The following PPM1L variants were observed in gnomAD, a reference collection of about 807,000 sequenced individuals.
PPM1L encodes the protein protein phosphatase 1L.
Under a neutral mutation model 31.4 loss-of-function variants are expected in PPM1L, and 13 were observed. The ratio of observed to expected loss-of-function variants is 0.41; its 90% confidence interval spans 0.27 to 0.66. The LOEUF (loss-of-function observed/expected upper bound fraction) is 0.66. PPM1L is among the 30% of genes least tolerant of loss of function. The pLI is 0.29. For synonymous variants in PPM1L, 184 were observed against 175.4 expected, an observed-to-expected ratio of 1.05 and a Z score of -0.39; for missense variants, 326 against 453.7, an observed-to-expected ratio of 0.72 and a Z score of 2.56.
rs1560114919 is a variant in PPM1L, at chr3:160,814,711, ATG to A, written c.399+58008_399+58009del. Among the ~76,000 whole-genome samples the A allele has an allele frequency of 8.9e-4, 133 of 149,360 alleles. 2 individuals are homozygous for A. Among genetic ancestry groups the A allele is most frequent in the African/African-American group, 3.2e-3 (131 of 40,450 alleles). ...ATACCATACGTATATGTGTATATAT[ATG>A]TGTATGTATACGTGTATATATGTAT... On this transcript the variant is annotated intron_variant, in intron 1 of 3. Coordinates refer to ENST00000498165, the MANE Select transcript of PPM1L (RefSeq NM_139245.4).
At chr3:160,872,755 T>C (rs758152846) in intron 1 of PPM1L, among the ~76,000 whole-genome samples, 57 of 152,104 alleles carry the variant, frequency 3.7e-4, no homozygotes, top group Non-Finnish European at 7.2e-4. Context: ...TGAAACCCTG[T>C]CTCTACTAAA....
At chr3:160,948,044 A>G (rs901157632) in intron 1 of PPM1L, among the ~76,000 whole-genome samples, 2 of 152,128 alleles carry the variant, frequency 1.3e-5, no homozygotes, top group Non-Finnish European at 2.9e-5. Flanking sequence ...ATAAATAACC[A>G]TTTATCTCTA....
At position 160,978,974 on chromosome 3, in the gene PPM1L, ACT is replaced by A. The variant is rs776933863; in HGVS notation, c.574+17069_574+17070del. On this transcript the variant is annotated intron_variant, in intron 2 of 3. Transcript: ENST00000498165. ...TGTTGGACATACTCTATACTGGAAT[ACT>A]CTCTATATTGAACATGTAGAATATC... Among the ~76,000 whole-genome samples the A allele has an allele frequency of 5.0e-4, 76 of 152,132 alleles. No individual in the cohort carries two copies. In the Middle Eastern group the frequency reaches 0.031, roughly 61 times the overall value.
intron 1 of PPM1L, among the ~76,000 whole-genome samples, chr3:160,791,679 A>G (rs1712108501): frequency 6.6e-6 from 1 of 152,170 alleles, no homozygotes; most frequent in African/African-American, 2.4e-5. Context: ...AAACTAGAAA[A>G]TAATCAGATA....
chr3:160,930,761 C>T (rs538818901), intron 1 of PPM1L, among the ~76,000 whole-genome samples: 10 of 152,200 alleles, frequency 6.6e-5, no homozygotes, highest in African/African-American at 2.2e-4. Context: ...TTCTGATGGC[C>T]GTCTTCAGTT....
At chr3:161,043,521 A>C (rs150839886) in intron 2 of PPM1L, among the ~76,000 whole-genome samples, 18 of 152,336 alleles carry the variant, frequency 1.2e-4, no homozygotes, top group African/African-American at 4.1e-4. Context: ...GCAGATGCTC[A>C]AGCCAGCAGC....
At chr3:160,974,242 G>A (rs865992363) in intron 2 of PPM1L, among the ~76,000 whole-genome samples, 3,566 of 151,408 alleles carry the variant, frequency 0.024, 116 homozygotes, top group African/African-American at 0.078. Context: ...TGGTGTATAT[G>A]TGCCACATTT....
Position 161,070,270 on chromosome 3 carries a change from C to T in PPM1L, c.*1113C>T, listed in dbSNP as rs1719866941. 6.6e-6 allele frequency: 1 copy of T among 152,252 alleles called. No homozygotes were observed. The highest frequency in any genetic ancestry group is 1.5e-5 in the Non-Finnish European group (1 of 68,076). 9.4% of individuals were successfully genotyped at this position (152,252 alleles called of 1,614,324 possible). ...AAGCCAGGTGCAGAGTTCCCAGCTA[C>T]TGCAGCTTGGGATTTGGTGGGAAAC... On this transcript the variant is annotated 3_prime_UTR_variant, in exon 4 of 4. Transcript: ENST00000498165.
intron 2 of PPM1L, among the ~76,000 whole-genome samples, chr3:161,055,321 T>C (rs1719382058): frequency 6.6e-6 from 1 of 152,058 alleles, no homozygotes; most frequent in Non-Finnish European, 1.5e-5. Flanking sequence ...GGGAGTCTTA[T>C]CTGAGAGCTG....
intron 2 of PPM1L, among the ~76,000 whole-genome samples, chr3:161,044,346 GTATTTATTTATT>G (rs66461506): frequency 0.085 from 12,195 of 143,282 alleles, 586 homozygotes; most frequent in African/African-American, 0.14. Context: ...GGCCTGCCCT[GTATTTATTTATT>G]TATTTATTTA....
rs138242028 is a variant in PPM1L at position 160,860,088 on chromosome 3, G to A, written c.400-101648G>A. On this transcript the variant is annotated intron_variant, in intron 1 of 3. Transcript: ENST00000498165. ...CTAACTAATTTAGTGAGTGTCATTG[G>A]TGATTTGTAGAAGAAGCAACAGACT... Among the ~76,000 whole-genome samples, 336 of 152,274 alleles carry A rather than the reference G, an allele frequency of 2.2e-3. 2 individuals carry two copies. Among genetic ancestry groups the A allele is most frequent in the African/African-American group, 7.7e-3 (320 of 41,564 alleles).
chr3:160,886,612 A>G (rs890769520), intron 1 of PPM1L, among the ~76,000 whole-genome samples: 3 of 152,176 alleles, frequency 2.0e-5, no homozygotes, highest in African/African-American at 7.2e-5. Context: ...GCAGCCCTAC[A>G]GAAGAGGGAC....
intron 1 of PPM1L, among the ~76,000 whole-genome samples, chr3:160,774,665 G>A (rs1393541946): frequency 6.6e-6 from 1 of 152,170 alleles, no homozygotes; most frequent in East Asian, 1.9e-4. Flanking sequence ...CTGAATACCT[G>A]ATGGATACAC....
chr3:160,863,419 C>T (rs1015324501), intron 1 of PPM1L, among the ~76,000 whole-genome samples: 1 of 152,182 alleles, frequency 6.6e-6, no homozygotes, highest in East Asian at 1.9e-4. Context: ...CCTCTTTTTC[C>T]ACTAAATGCC....
intron 1 of PPM1L, among the ~76,000 whole-genome samples, chr3:160,959,721 T>C (rs979908104): frequency 2.0e-5 from 3 of 152,054 alleles, no homozygotes; most frequent in African/African-American, 7.2e-5. Context: ...TAGTCCTAGC[T>C]ACTCAGGAGG....
Position 160,864,733 on chromosome 3 carries a change from A to G in PPM1L, c.400-97003A>G, listed in dbSNP as rs143565568. Among the ~76,000 whole-genome samples the G allele has an allele frequency of 2.4e-4, 37 of 152,338 alleles. 2 individuals are homozygous for G. The East Asian group carries it at 2.7e-3, about 11-fold the overall frequency. On this transcript the variant is annotated intron_variant, in intron 1 of 3. Coordinates refer to ENST00000498165, the MANE Select transcript of PPM1L (RefSeq NM_139245.4). Reference sequence around the variant, plus strand: ...CTACTGACATGGCACCATTTCCCCAAGAGATTCTTTCTGTTTCCAGAAAGG... The same window carrying G: ...CTACTGACATGGCACCATTTCCCCAGGAGATTCTTTCTGTTTCCAGAAAGG...
At chr3:160,796,772 T>G (rs532253891) in intron 1 of PPM1L, among the ~76,000 whole-genome samples, 2 of 152,322 alleles carry the variant, frequency 1.3e-5, no homozygotes, top group East Asian at 3.9e-4. Flanking sequence ...AACGCCTAAT[T>G]TATAGGGTAA....
At chr3:160,870,895 G>A (rs745425461) in intron 1 of PPM1L, among the ~76,000 whole-genome samples, 9 of 152,216 alleles carry the variant, frequency 5.9e-5, no homozygotes, top group Non-Finnish European at 1.3e-4. Flanking sequence ...GAAGACGGCT[G>A]TGTGGGAAAG....
At chr3:160,789,524 G>T (rs551510652) in intron 1 of PPM1L, among the ~76,000 whole-genome samples, 7 of 151,676 alleles carry the variant, frequency 4.6e-5, no homozygotes, top group Non-Finnish European at 1.0e-4. Flanking sequence ...CAAGCTTACT[G>T]GTTCTGTTTC....
Sources: gnomAD v4.1 joint callset for allele counts (sites outside exome capture counted in the v4.1 genomes callset) on GRCh38, gnomAD v4.1.1 for gene constraint, MANE v1.5 for transcripts, NCBI Gene and HGNC (gene_info 2026-07-23, HGNC 2026-07-21) for gene names.